RABGAP1L: variants seen among roughly 807,000 people sequenced by gnomAD.
The protein encoded by RABGAP1L is RAB GTPase activating protein 1 like.
A neutral mutation model predicts 137.7 loss-of-function variants in RABGAP1L; 63 were observed. The ratio of observed to expected loss-of-function variants is 0.46; its 90% CI spans 0.37 to 0.56. RABGAP1L has a LOEUF of 0.56. Ranked by LOEUF, RABGAP1L falls within the 20% of genes least tolerant of loss-of-function variation. The pLI is 0.00. For missense variants in RABGAP1L, 1,095 were observed against 1,244.0 expected (o/e 0.88, Z 1.80); for synonymous variants, 431 against 433.7 (o/e 0.99, Z 0.08).
At chr1:174,500,151 C>A (rs972869021) in intron 13 of RABGAP1L, among the ~76,000 whole-genome samples, 3 of 150,740 alleles carry the variant, frequency 2.0e-5, no homozygotes, top group Non-Finnish European at 4.4e-5. Flanking sequence ...GCGATCTCAA[C>A]TCACTGCAAC....
intron 19 of RABGAP1L, among the ~76,000 whole-genome samples, chr1:174,856,787 C>T (rs12116986): frequency 0.039 from 5,875 of 151,700 alleles, 158 homozygotes; most frequent in Non-Finnish European, 0.06. Flanking sequence ...ATTAGCCGGG[C>T]GTGCTGGTGC....
intron 19 of RABGAP1L, among the ~76,000 whole-genome samples, chr1:174,911,105 A>G (rs762535505): frequency 6.6e-6 from 1 of 152,138 alleles, no homozygotes; most frequent in Non-Finnish European, 1.5e-5. Context: ...CTTTGGAGAA[A>G]TATCTATTCA....
chr1:174,345,278 T>G (rs549869128), intron 11 of RABGAP1L, among the ~76,000 whole-genome samples: 2 of 152,304 alleles, frequency 1.3e-5, no homozygotes, highest in East Asian at 3.9e-4. Flanking sequence ...CTGAGTCTTT[T>G]GTGATTCCAT....
At chr1:174,422,941 T>C (rs1651497987) in intron 13 of RABGAP1L, among the ~76,000 whole-genome samples, 1 of 122,650 alleles carries the variant, frequency 8.2e-6, no homozygotes, top group African/African-American at 3.5e-5. Flanking sequence ...AGTGAGATTC[T>C]GTCCAAAAAA....
At chr1:174,477,798 C>A (rs1658657112) in intron 13 of RABGAP1L, among the ~76,000 whole-genome samples, 1 of 152,010 alleles carries the variant, frequency 6.6e-6, no homozygotes, top group East Asian at 1.9e-4. Context: ...TAAGTTTTTA[C>A]TGTATCTACA....
At chr1:174,810,985 C>T (rs529108783) in intron 18 of RABGAP1L, among the ~76,000 whole-genome samples, 50 of 151,854 alleles carry the variant, frequency 3.3e-4, no homozygotes, top group African/African-American at 1.1e-3. Context: ...GCCTGTAGTT[C>T]CATCTACTCA....
chr1:174,989,869 A>T lies in RABGAP1L; in HGVS notation c.3024A>T (p.Gly1008=). 6.4e-7 allele frequency: 1 copy of T among 1,550,628 alleles called. No individual in the cohort carries two copies. Among genetic ancestry groups the T allele is most frequent in the Non-Finnish European group, 8.7e-7 (1 of 1,146,946 alleles). Residue 1008 remains glycine (G), a synonymous_variant, in exon 26 of 26, where the codon GGA becomes GGT. Coordinates refer to ENST00000681986, the MANE Select transcript of RABGAP1L (RefSeq NM_001366446.1). ...CKIQELEHQR[G]ALMNEIQAAK... ...ATTAGGAACTTGAACATCAGAGAGG[A>T]GCCCTTATGAATGAAATCCAAGCTG...
At chr1:174,391,512 G>A (rs905423458) in intron 12 of RABGAP1L, among the ~76,000 whole-genome samples, 72 of 152,062 alleles carry the variant, frequency 4.7e-4, no homozygotes, top group African/African-American at 1.7e-3. Context: ...TTTTTCTAGA[G>A]ATGAGGTTTT....
chr1:174,177,780 C>A (rs1226628045), intron 1 of RABGAP1L, among the ~76,000 whole-genome samples: 1 of 152,154 alleles, frequency 6.6e-6, no homozygotes, highest in African/African-American at 2.4e-5. Flanking sequence ...TGTCAAAGAT[C>A]AGCTGGTTGT....
In RABGAP1L at chr1:174,189,450, T is replaced by A. The variant is rs1042733840; in HGVS notation, c.-33-29675T>A. The stretch of plus-strand genomic sequence containing the variant: ...TGTATTAGTACTTACTGCTTCACTT[T>A]ATACTTACATGTCATGGAGATGGCT... On this transcript the variant is annotated intron_variant, in intron 1 of 25. Transcript: ENST00000681986. Among the ~76,000 whole-genome samples, 92 of 152,264 alleles carry A rather than the reference T, an allele frequency of 6.0e-4. 1 individual carries two copies. The highest frequency in any genetic ancestry group is 1.2e-4 in the Non-Finnish European group (8 of 68,040).
Position 174,990,240 on chromosome 1 carries a change from A to G in RABGAP1L, c.*239A>G, listed in dbSNP as rs1024204666. ...AGGCCATGTTCAGATCCATCATAGT[A>G]TTACACATTATTTTGTTTGCCTGAT... On this transcript the variant is annotated 3_prime_UTR_variant, in exon 26 of 26. Transcript: ENST00000681986. The G allele has an allele frequency of 2.0e-4, 75 of 375,450 alleles. No homozygotes were observed. The East Asian group carries it at 3.1e-3, about 16-fold the overall frequency. The allele number at this position is 375,450 out of a possible 1,614,324, so 23.3% of individuals were successfully genotyped here. A position where few individuals can be genotyped will look rare whatever the true frequency, so the allele number is the denominator to read the frequency against.
intron 13 of RABGAP1L, among the ~76,000 whole-genome samples, chr1:174,396,945 C>G (rs1647941790): frequency 6.6e-6 from 1 of 150,500 alleles, no homozygotes; most frequent in Admixed American, 6.6e-5. Flanking sequence ...TCAAGACCAG[C>G]CTAGGCTACA....
chr1:174,281,240 T>C (rs1285372063), intron 10 of RABGAP1L, among the ~76,000 whole-genome samples: 1 of 152,148 alleles, frequency 6.6e-6, no homozygotes, highest in East Asian at 1.9e-4. Flanking sequence ...ATTCCCTTAT[T>C]TGGCCCAGCC....
At chr1:174,643,939 G>GTGTGTGTGTA (rs1038932862) in intron 14 of RABGAP1L, among the ~76,000 whole-genome samples, 4 of 150,174 alleles carry the variant, frequency 2.7e-5, no homozygotes, top group Admixed American at 2.7e-4. Flanking sequence ...GTGTGTGTGT[G>GTGTGTGTGTA]TGTATGTATG....
At chr1:174,512,545 G>T (rs1414536999) in intron 13 of RABGAP1L, among the ~76,000 whole-genome samples, 1 of 152,112 alleles carries the variant, frequency 6.6e-6, no homozygotes, top group East Asian at 1.9e-4. Context: ...CACCTTCTTC[G>T]AAGTAAAGGG....
intron 14 of RABGAP1L, among the ~76,000 whole-genome samples, chr1:174,668,243 C>A (rs1458713812): frequency 6.6e-6 from 1 of 152,060 alleles, no homozygotes; most frequent in Non-Finnish European, 1.5e-5. Context: ...ATCCTTTGAC[C>A]AACATCTCAG....
chr1:174,459,403 CT>C (rs1168050166), intron 13 of RABGAP1L, among the ~76,000 whole-genome samples: 1 of 152,128 alleles, frequency 6.6e-6, no homozygotes, highest in African/African-American at 2.4e-5. Flanking sequence ...AAAGGAAACA[CT>C]TACACAGTTG....
intron 13 of RABGAP1L, among the ~76,000 whole-genome samples, chr1:174,631,981 CCTAG>C (rs1673429217): frequency 2.2e-5 from 2 of 92,382 alleles, no homozygotes; most frequent in South Asian, 4.8e-4. Context: ...GCAGTTTCTT[CCTAG>C]TCTCGATGGT....
At chr1:174,622,809 C>G (rs545748827) in intron 13 of RABGAP1L, among the ~76,000 whole-genome samples, 3 of 152,302 alleles carry the variant, frequency 2.0e-5, no homozygotes, top group East Asian at 3.9e-4. Context: ...ACATATGTAA[C>G]TAACCTGCAC....
Sources: allele counts gnomAD v4.1 joint callset (sites outside exome capture counted in the v4.1 genomes callset), GRCh38; gene constraint gnomAD v4.1.1; transcripts MANE v1.5; gene names NCBI Gene and HGNC (gene_info 2026-07-23, HGNC 2026-07-21).